GLRA2: variants seen among roughly 807,000 people sequenced by gnomAD.
GLRA2 encodes the protein glycine receptor alpha 2.
GLRA2 carries 11 observed loss-of-function variants against 31.6 expected under a neutral mutation model. The observed-to-expected ratio is 0.35, with a 90% CI of 0.22 to 0.58. The LOEUF is 0.58. Ranked by LOEUF, GLRA2 falls within the 20% of genes least tolerant of loss-of-function variation. The probability of loss-of-function intolerance (pLI) is 0.84; values close to 1 mark genes in which losing one functional copy is unlikely to be tolerated. For missense variants in GLRA2, 212 were observed against 351.8 expected, an observed-to-expected ratio of 0.60 and a Z score of 3.18; for synonymous variants, 132 against 134.0, an observed-to-expected ratio of 0.99 and a Z score of 0.10.
At chrX:14,531,231 A>G (rs1290949349) in intron 1 of GLRA2, 10 of 684,971 alleles carry the variant, frequency 1.5e-5, no homozygotes, top group Non-Finnish European at 2.0e-6. Flanking sequence ...AAATATTTAT[A>G]TCATCTTTGC....
chrX:14,548,601 G>C (rs1244739335), intron 2 of GLRA2, among the ~76,000 whole-genome samples: 1 of 111,222 alleles, frequency 9.0e-6, no homozygotes, highest in Non-Finnish European at 1.9e-5. Flanking sequence ...CACTATTTCA[G>C]TACCAATATC....
At chrX:14,626,068 T>C (rs1486098742) in intron 7 of GLRA2, among the ~76,000 whole-genome samples, 1 of 112,256 alleles carries the variant, frequency 8.9e-6, no homozygotes, top group Non-Finnish European at 1.9e-5. Flanking sequence ...TCCTTTTAGA[T>C]GCCTTTCATT....
chrX:14,591,718 A>G (rs746885081), intron 4 of GLRA2, among the ~76,000 whole-genome samples: 5 of 112,001 alleles, frequency 4.5e-5, no homozygotes, highest in African/African-American at 3.2e-5. Context: ...TTGACACTCA[A>G]TATTAACCAT....
chrX:14,691,509 G>T (rs1002607104), intron 8 of GLRA2, among the ~76,000 whole-genome samples: 1 of 111,483 alleles, frequency 9.0e-6, no homozygotes, highest in Non-Finnish European at 1.9e-5. Context: ...GAGACTTCAG[G>T]TTTGAAATGC....
At chrX:14,722,924 C>G (rs1479508220) in intron 8 of GLRA2, among the ~76,000 whole-genome samples, 1 of 112,733 alleles carries the variant, frequency 8.9e-6, no homozygotes, top group Non-Finnish European at 1.9e-5. Context: ...AAATTATTTA[C>G]AAGTATTGCC....
chrX:14,526,124 G>A (rs2089186415), upstream of GLRA2, among the ~76,000 whole-genome samples: 2 of 112,148 alleles, frequency 1.8e-5, no homozygotes, highest in African/African-American at 6.5e-5. Context: ...GCCTTCCAGA[G>A]ATTTGAAAAA....
At chrX:14,542,082 G>A (rs750255233) in intron 2 of GLRA2, among the ~76,000 whole-genome samples, 145 of 111,437 alleles carry the variant, frequency 1.3e-3, no homozygotes, top group African/African-American at 4.6e-3. Context: ...TTTGGAAAAG[G>A]AAAGGAGACT....
chrX:14,491,980 G>C, the GLRA2 span, among the ~76,000 whole-genome samples: 7 of 111,329 alleles, frequency 6.3e-5, no homozygotes, highest in Non-Finnish European at 1.3e-4. Flanking sequence ...CTTAGCTTGG[G>C]AAGTACTGGG....
At chrX:14,593,034 A>G (rs1378680425) in intron 4 of GLRA2, among the ~76,000 whole-genome samples, 1 of 111,900 alleles carries the variant, frequency 8.9e-6, no homozygotes. Flanking sequence ...CTCAACTTAC[A>G]TTAATGTGGG....
At chrX:14,657,278 A>G (rs909180505) in intron 7 of GLRA2, among the ~76,000 whole-genome samples, 4 of 112,341 alleles carry the variant, frequency 3.6e-5, no homozygotes, top group Non-Finnish European at 5.6e-5. Flanking sequence ...TGTCATCATC[A>G]TTGGCTCAAC....
intron 7 of GLRA2, among the ~76,000 whole-genome samples, chrX:14,643,658 C>T (rs1393613145): frequency 1.8e-5 from 2 of 111,639 alleles, no homozygotes; most frequent in Non-Finnish European, 3.8e-5. Context: ...TTGAATTATA[C>T]CAGGAATGTT....
the GLRA2 span, among the ~76,000 whole-genome samples, chrX:14,474,148 A>ACAAT: frequency 8.9e-6 from 1 of 111,902 alleles, no homozygotes; most frequent in Non-Finnish European, 1.9e-5. Flanking sequence ...GTCATGATGT[A>ACAAT]CAATCCGTTA....
chrX:14,535,522 A>T (rs1207429804), intron 2 of GLRA2, among the ~76,000 whole-genome samples: 1 of 112,599 alleles, frequency 8.9e-6, no homozygotes, highest in East Asian at 2.8e-4. Flanking sequence ...GTGTTGAAGC[A>T]CAAGTGTATA....
chrX:14,631,588 C>A (rs1474076681), intron 7 of GLRA2, among the ~76,000 whole-genome samples: 1 of 109,633 alleles, frequency 9.1e-6, no homozygotes, highest in African/African-American at 3.3e-5. Context: ...TTTAGATAGG[C>A]AAGACCCCTT....
intron 7 of GLRA2, among the ~76,000 whole-genome samples, chrX:14,658,891 A>T (rs888847602): frequency 8.9e-6 from 1 of 112,575 alleles, no homozygotes; most frequent in Non-Finnish European, 1.9e-5. Flanking sequence ...TGCCATCTTA[A>T]GATGAAAAAT....
chrX:14,643,106 T>G (rs1417731186), intron 7 of GLRA2, among the ~76,000 whole-genome samples: 2 of 111,993 alleles, frequency 1.8e-5, no homozygotes, highest in Non-Finnish European at 3.8e-5. Flanking sequence ...AAGAAGCCCC[T>G]GGATGACAGC....
At chrX:14,556,994 A>C (rs981201419) in intron 2 of GLRA2, among the ~76,000 whole-genome samples, 1 of 111,362 alleles carries the variant, frequency 9.0e-6, no homozygotes, top group Non-Finnish European at 1.9e-5. Flanking sequence ...TTGTAACATG[A>C]AAATACACAG....
intron 7 of GLRA2, among the ~76,000 whole-genome samples, chrX:14,679,439 G>GA (rs1387282502): frequency 3.2e-5 from 3 of 93,165 alleles, no homozygotes; most frequent in Non-Finnish European, 4.6e-5. Flanking sequence ...AAAAAAAAAA[G>GA]AAAAGAAAAA....
chrX:14,649,117 G>A (rs895606017), intron 7 of GLRA2, among the ~76,000 whole-genome samples: 1 of 110,495 alleles, frequency 9.1e-6, no homozygotes, highest in Non-Finnish European at 1.9e-5. Context: ...GGGAGGCTGA[G>A]GCAGGAGAAT....
Sources: gnomAD v4.1 joint callset for allele counts (sites outside exome capture counted in the v4.1 genomes callset) on GRCh38, gnomAD v4.1.1 for gene constraint, MANE v1.5 for transcripts, NCBI Gene and HGNC (gene_info 2026-07-23, HGNC 2026-07-21) for gene names.